The following PTPRD variants were observed in gnomAD, a reference collection of about 807,000 sequenced individuals.
The protein encoded by PTPRD is receptor-type tyrosine-protein phosphatase delta.
A neutral mutation model predicts 214.5 loss-of-function variants in PTPRD; 34 were observed. That is an observed-to-expected ratio of 0.16 (90% confidence interval 0.12 to 0.21). The LOEUF (loss-of-function observed/expected upper bound fraction) is 0.21, where lower values mean the gene tolerates loss of function less well. Among genes scored for constraint, PTPRD ranks in the 10% least tolerant of loss-of-function variants. PTPRD has a pLI of 1.00. For synonymous variants in PTPRD, 1,128 were observed against 845.7 expected, an observed-to-expected ratio of 1.33 and a Z score of -5.79; for missense variants, 2,545 against 2,398.7, an observed-to-expected ratio of 1.06 and a Z score of -1.27.
intron 9 of PTPRD, among the ~76,000 whole-genome samples, chr9:9,355,252 A>G (rs1485865129): frequency 3.3e-5 from 5 of 151,704 alleles, no homozygotes; most frequent in African/African-American, 1.2e-4. Flanking sequence ...ACAAATAATT[A>G]TATATTATCA....
intron 2 of PTPRD, among the ~76,000 whole-genome samples, chr9:10,470,232 A>ATGTGTGT (rs2099021660): frequency 2.0e-5 from 3 of 152,130 alleles, no homozygotes; most frequent in African/African-American, 7.2e-5. Context: ...CACACCACAT[A>ATGTGTGT]AATATGTACA....
chr9:8,847,343 T>C (rs1014853482), intron 11 of PTPRD, among the ~76,000 whole-genome samples: 5 of 152,132 alleles, frequency 3.3e-5, no homozygotes, highest in Non-Finnish European at 5.9e-5. Context: ...AAAATGTGTA[T>C]TGATAACCTA....
chr9:9,693,543 G>A (rs1365573767), intron 7 of PTPRD, among the ~76,000 whole-genome samples: 2 of 152,036 alleles, frequency 1.3e-5, no homozygotes, highest in Non-Finnish European at 2.9e-5. Flanking sequence ...TGTGAAAATG[G>A]ACTAATACAA....
intron 11 of PTPRD, among the ~76,000 whole-genome samples, chr9:8,807,690 T>C (rs2096715552): frequency 6.6e-6 from 1 of 152,084 alleles, no homozygotes; most frequent in Admixed American, 6.6e-5. Context: ...TAGATATAAG[T>C]TTATGAAATA....
chr9:9,376,220 A>G (rs763564208), intron 9 of PTPRD, among the ~76,000 whole-genome samples: 8 of 152,134 alleles, frequency 5.3e-5, no homozygotes, highest in Non-Finnish European at 1.2e-4. Flanking sequence ...TTTTTCTACT[A>G]TAATCTATAT....
chr9:8,459,289 G>A (rs911313641), intron 33 of PTPRD, among the ~76,000 whole-genome samples: 2 of 152,040 alleles, frequency 1.3e-5, no homozygotes, highest in African/African-American at 4.8e-5. Context: ...TGAAGGCCAA[G>A]GTTAGGGACA....
intron 3 of PTPRD, among the ~76,000 whole-genome samples, chr9:10,280,588 T>C (rs1282654836): frequency 1.3e-5 from 2 of 152,084 alleles, no homozygotes; most frequent in South Asian, 2.1e-4. Context: ...ATTCAGTAAG[T>C]CTAGGATAAA....
At chr9:9,830,286 C>T (rs753467089) in intron 5 of PTPRD, among the ~76,000 whole-genome samples, 3 of 151,596 alleles carry the variant, frequency 2.0e-5, no homozygotes, top group South Asian at 2.1e-4. Flanking sequence ...ATAAATTTAT[C>T]TTCATGGCCA....
chr9:9,815,696 T>C (rs1038765235), intron 5 of PTPRD, among the ~76,000 whole-genome samples: 1 of 151,974 alleles, frequency 6.6e-6, no homozygotes, highest in Non-Finnish European at 1.5e-5. Context: ...ATCTAAAAAG[T>C]CGAACTCTGA....
chr9:9,036,986 T>G (rs763903463), intron 10 of PTPRD, among the ~76,000 whole-genome samples: 14 of 152,186 alleles, frequency 9.2e-5, no homozygotes, highest in Non-Finnish European at 1.6e-4. Flanking sequence ...TGAACACAAA[T>G]GCACAAAAAC....
chr9:9,325,373 A>G (rs1030351904), intron 9 of PTPRD, among the ~76,000 whole-genome samples: 1 of 152,034 alleles, frequency 6.6e-6, no homozygotes, highest in African/African-American at 2.4e-5. Context: ...TTCATTGAGC[A>G]GTGGTTTGTA....
chr9:9,619,651 T>C (rs953592188), intron 7 of PTPRD, among the ~76,000 whole-genome samples: 6 of 145,580 alleles, frequency 4.1e-5, no homozygotes, highest in African/African-American at 1.5e-4. Context: ...TTATATTGTA[T>C]AGAAATATTT....
intron 5 of PTPRD, among the ~76,000 whole-genome samples, chr9:9,830,383 T>C (rs1397621724): frequency 6.6e-6 from 1 of 151,878 alleles, no homozygotes; most frequent in African/African-American, 2.4e-5. Flanking sequence ...ATAGAAAATA[T>C]ACCTGATATT....
chr9:8,959,496 G>A (rs529443702), intron 11 of PTPRD, among the ~76,000 whole-genome samples: 2 of 152,026 alleles, frequency 1.3e-5, no homozygotes, highest in South Asian at 4.1e-4. Flanking sequence ...GGAGAGCAGC[G>A]ATCAGAAATC....
chr9:8,713,483 CA>C, intron 12 of PTPRD: 1 of 1,129,376 alleles, frequency 8.9e-7, no homozygotes. Flanking sequence ...AAGAAGTCTT[CA>C]GGGGAGACTG....
At chr9:9,966,340 C>T (rs1006495627) in intron 4 of PTPRD, among the ~76,000 whole-genome samples, 10 of 152,228 alleles carry the variant, frequency 6.6e-5, no homozygotes, top group Middle Eastern at 3.4e-3. Context: ...TCATAGACCT[C>T]GTGATTATTT....
At chr9:9,063,058 T>C (rs531296552) in intron 10 of PTPRD, among the ~76,000 whole-genome samples, 1 of 152,216 alleles carries the variant, frequency 6.6e-6, no homozygotes, top group Admixed American at 6.5e-5. Flanking sequence ...GGTTTTCCTA[T>C]TGATGGAATG....
At chr9:9,628,860 T>C (rs1191921930) in intron 7 of PTPRD, among the ~76,000 whole-genome samples, 1 of 151,822 alleles carries the variant, frequency 6.6e-6, no homozygotes. Context: ...TATTTATATA[T>C]AATGATTTTA....
intron 2 of PTPRD, among the ~76,000 whole-genome samples, chr9:10,363,998 T>TGTTTTTTG (rs71332737): frequency 2.0e-5 from 1 of 49,400 alleles, no homozygotes; most frequent in African/African-American, 4.3e-5. Context: ...CGGGTTTTTT[T>TGTTTTTTG]TTTTTTTTTT....
Sources: gnomAD v4.1 joint callset for allele counts (sites outside exome capture counted in the v4.1 genomes callset) on GRCh38, gnomAD v4.1.1 for gene constraint, MANE v1.5 for transcripts, NCBI Gene and HGNC (gene_info 2026-07-23, HGNC 2026-07-21) for gene names.